The following EHHADH variants were observed in gnomAD, a reference collection of about 807,000 sequenced individuals.
EHHADH encodes enoyl-CoA hydratase and 3-hydroxyacyl CoA dehydrogenase.
A neutral mutation model predicts 64.4 loss-of-function variants in EHHADH; 48 were observed. The observed-to-expected ratio is 0.75, with a 90% CI of 0.59 to 0.95. The LOEUF is 0.95. Among genes scored for constraint, EHHADH ranks in the 40% least tolerant of loss-of-function variants. The pLI is 0.00. For synonymous variants in EHHADH, 308 were observed against 326.7 expected, an observed-to-expected ratio of 0.94 and a Z score of 0.62; for missense variants, 854 against 876.6, an observed-to-expected ratio of 0.97 and a Z score of 0.33.
chr3:185,200,669 G>C (rs577419081), intron 6 of EHHADH, among the ~76,000 whole-genome samples: 40 of 152,234 alleles, frequency 2.6e-4, no homozygotes, highest in African/African-American at 8.7e-4. Flanking sequence ...AATTTGATCA[G>C]GAACCTCTTC....
In EHHADH at chr3:185,216,376, G is replaced by A. The variant is rs1002057953; in HGVS notation, c.568+1760C>T. 1.3e-5 allele frequency among the ~76,000 whole-genome samples: 2 copies of A among 152,288 alleles called. No homozygotes were observed. Among genetic ancestry groups the A allele is most frequent in the South Asian group, 2.1e-4 (1 of 4,834 alleles). ...AACTACAGATGTGAATGACAGACAC[G>A]GGTCTACCTTTAGCAAACCAAAGAA... is the stretch of plus-strand genomic sequence containing the variant. On this transcript the variant is annotated intron_variant, in intron 5 of 6. Transcript: ENST00000231887. This position sits in a 1 kb window ranked among gnomAD's most constrained non-coding sequence, Gnocchi z 5.3.
chr3:185,236,855 G>T (rs1719309519), intron 2 of EHHADH, among the ~76,000 whole-genome samples: 1 of 152,084 alleles, frequency 6.6e-6, no homozygotes, highest in Non-Finnish European at 1.5e-5. Context: ...AACAATTATT[G>T]GATAAATGCA....
Position 185,192,521 on chromosome 3 carries a change from G to T in EHHADH, c.1877C>A (p.Ser626Ter), listed in dbSNP as rs574285941. The change falls in exon 7 of 7, where the codon TCA becomes TAA. Residue 626 changes from serine to a stop codon, truncating the protein, a stop_gained. Coordinates refer to ENST00000231887, the MANE Select transcript of EHHADH (RefSeq NM_001966.4). LOFTEE classifies it high-confidence loss of function. ...QDEILERCLY[S>*]LINEAFRILG... ...GATACGGAATGCTTCATTGATAAGT[G>T]AATATAAGCAGCGTTCAAGGATCTC... is the stretch of plus-strand genomic sequence containing the variant. 9 of 1,614,192 alleles carry T rather than the reference G, an allele frequency of 5.6e-6. No individual in the cohort carries two copies. The South Asian group carries it at 9.9e-5, about 18-fold the overall frequency.
chr3:185,228,257 A>AAAAAAACAAATATATATAT (rs1367786172), intron 4 of EHHADH, among the ~76,000 whole-genome samples: 1 of 21,994 alleles, frequency 4.5e-5, no homozygotes, highest in Non-Finnish European at 1.1e-4. Flanking sequence ...AAAAAAAAAA[A>AAAAAAACAAATATATATAT]ATATATATAT....
intron 6 of EHHADH, among the ~76,000 whole-genome samples, chr3:185,204,191 A>G (rs1323877515): frequency 6.6e-6 from 1 of 150,804 alleles, no homozygotes; most frequent in Non-Finnish European, 1.5e-5. Flanking sequence ...AGTCAGACCT[A>G]GGGTCAGACT....
chr3:185,214,915 T>G (rs73887837), intron 5 of EHHADH, among the ~76,000 whole-genome samples: 12,115 of 152,218 alleles, frequency 0.08, 606 homozygotes, highest in East Asian at 0.22. Context: ...TATTTCTCTA[T>G]GGTAAATTCC....
intron 1 of EHHADH, among the ~76,000 whole-genome samples, chr3:185,250,175 A>C (rs1294612013): frequency 1.3e-5 from 2 of 152,222 alleles, no homozygotes; most frequent in African/African-American, 4.8e-5. Flanking sequence ...GCCAAGCGTA[A>C]TCTTAACTAA....
At chr3:185,244,570 G>A (rs1719544709) in intron 2 of EHHADH, among the ~76,000 whole-genome samples, 1 of 152,190 alleles carries the variant, frequency 6.6e-6, no homozygotes, top group Non-Finnish European at 1.5e-5. Flanking sequence ...GAAGCTGTGA[G>A]TGTGACATTT....
At chr3:185,195,211 C>A (rs1043561562) in intron 6 of EHHADH, among the ~76,000 whole-genome samples, 3 of 152,100 alleles carry the variant, frequency 2.0e-5, no homozygotes, top group Non-Finnish European at 2.9e-5. Context: ...AGACATGACA[C>A]CCAAAGCACA....
chr3:185,191,544 A>G lies in EHHADH; in HGVS notation c.*682T>C, dbSNP rs1422756274. On this transcript the variant is annotated 3_prime_UTR_variant, in exon 7 of 7. Transcript: ENST00000231887. ...AGATTCAACCATTTCCATATGTAAC[A>G]TCACAGAGGCTTGTCATGACAGGAA... is the stretch of plus-strand genomic sequence containing the variant. The G allele has an allele frequency of 6.6e-6, 1 of 152,240 alleles. No individual in the cohort carries two copies. The highest frequency in any genetic ancestry group is 1.5e-5 in the Non-Finnish European group (1 of 68,050). 9.4% of individuals were successfully genotyped at this position (152,240 alleles called of 1,614,324 possible).
At chr3:185,217,977 G>A (rs575977345) in intron 5 of EHHADH, among the ~76,000 whole-genome samples, 159 bp downstream of exon 5, 103 of 151,978 alleles carry the variant, frequency 6.8e-4, no homozygotes, top group Non-Finnish European at 1.3e-3. Flanking sequence ...GTGTTAGCCA[G>A]GATGGTCTCG....
Position 185,229,103 on chromosome 3 carries a change from C to G in EHHADH, c.463+329G>C, listed in dbSNP as rs548091637. Among the ~76,000 whole-genome samples, 73 of 152,288 alleles carry G rather than the reference C, an allele frequency of 4.8e-4. 1 individual carries two copies. Among genetic ancestry groups the G allele is most frequent in the Non-Finnish European group, 9.3e-4 (63 of 68,018 alleles). On this transcript the variant is annotated intron_variant, in intron 4 of 6. Transcript: ENST00000231887. ...GAGCCACTGCGTGCGGCCTATATTA[C>G]AATTTCTAAATTAGTTCTGAATATA...
At chr3:185,243,857 A>G (rs949906831) in intron 2 of EHHADH, among the ~76,000 whole-genome samples, 1 of 152,198 alleles carries the variant, frequency 6.6e-6, no homozygotes, top group Non-Finnish European at 1.5e-5. Context: ...AAGTGTGTCT[A>G]TTAGGTCCAT....
At chr3:185,253,178 G>A (rs974845847) in intron 1 of EHHADH, 1 of 152,042 alleles carries the variant, frequency 6.6e-6, no homozygotes, top group Non-Finnish European at 1.5e-5. Context: ...TTGCGTTTCC[G>A]GGCCAGGGCA....
At chr3:185,224,345 C>T (rs1293276155) in intron 4 of EHHADH, among the ~76,000 whole-genome samples, 1 of 151,032 alleles carries the variant, frequency 6.6e-6, no homozygotes, top group Non-Finnish European at 1.5e-5. Flanking sequence ...ACTAAAAATA[C>T]AAAAAATTAG....
In EHHADH at chr3:185,248,474, CA is replaced by C. The variant is rs771955031; in HGVS notation, c.117del (p.Val40Ter). On this transcript the variant is annotated frameshift_variant, in exon 2 of 7. Coordinates refer to ENST00000231887, the MANE Select transcript of EHHADH (RefSeq NM_001966.4). LOFTEE classifies it high-confidence loss of function. ...LRDIKEGLQK[A>X]VIDHTIKAIV... ...ATGGCTTTTATTGTATGGTCTATTA[CA>C]GCTTTCTGTAGTCCTTCTTTTATGT... is the stretch of plus-strand genomic sequence containing the variant. 3.5e-5 allele frequency: 57 copies of C among 1,614,080 alleles called. No homozygotes were observed. In the East Asian group the frequency reaches 1.2e-3, roughly 33 times the overall value.
At chr3:185,227,067 A>G (rs938507433) in intron 4 of EHHADH, among the ~76,000 whole-genome samples, 2 of 152,260 alleles carry the variant, frequency 1.3e-5, no homozygotes, top group African/African-American at 2.4e-5. Flanking sequence ...TAAGTTGCAC[A>G]AGGCATATTA....
chr3:185,246,193 GTTTT>G, intron 2 of EHHADH: 1 of 967,976 alleles, frequency 1.0e-6, no homozygotes, highest in Non-Finnish European at 1.6e-6. Context: ...TATCTTTTTT[GTTTT>G]TTTTTCTTTT....
intron 5 of EHHADH, among the ~76,000 whole-genome samples, chr3:185,214,017 G>C (rs76157483): frequency 6.6e-6 from 1 of 152,194 alleles, no homozygotes; most frequent in African/African-American, 2.4e-5. Context: ...TTTGGTAAGA[G>C]AATAAATGGC....
Sources: gnomAD v4.1 joint callset for allele counts (sites outside exome capture counted in the v4.1 genomes callset) on GRCh38, gnomAD v4.1.1 for gene constraint, Gnocchi (gnomAD v3.1) non-coding constraint, MANE v1.5 for transcripts, NCBI Gene and HGNC (gene_info 2026-07-23, HGNC 2026-07-21) for gene names.